DRC7: variants seen among roughly 807,000 people sequenced by gnomAD.
DRC7 encodes the protein coiled-coil domain containing 135.
Under a neutral mutation model 104.4 loss-of-function variants are expected in DRC7, and 80 were observed. The observed-to-expected ratio is 0.77, with a 90% CI of 0.64 to 0.92. The LOEUF (loss-of-function observed/expected upper bound fraction) is 0.92. DRC7 is among the 40% of genes least tolerant of loss of function. The pLI, the probability that DRC7 is intolerant of heterozygous loss-of-function variation, is 0.00. For missense variants in DRC7, 1,034 were observed against 1,141.1 expected, an observed-to-expected ratio of 0.91 and a Z score of 1.35; for synonymous variants, 405 against 447.3, an observed-to-expected ratio of 0.91 and a Z score of 1.19.
chr16:57,717,398 G>A (rs1216577231), intron 8 of DRC7, among the ~76,000 whole-genome samples: 3 of 125,338 alleles, frequency 2.4e-5, no homozygotes, highest in Non-Finnish European at 4.8e-5. Flanking sequence ...CCATGCACTG[G>A]CTTAAAAAAA....
rs114195136 is a variant in DRC7, at chr16:57,724,824, C to T, written c.1747C>T (p.Arg583Trp). ...TCTGAGCAGTGCAGAGTCAAACCCC[C>T]GGCCCATTGTGGTAAGAGCTCGCGG... ...LTLSSAESNP[R>W]PIVKITERFF... Residue 583 changes from arginine (R) to tryptophan (W), a missense_variant, in exon 13 of 19, where the codon CGG (arginine) becomes TGG (tryptophan). Arg to Trp is a moderately radical substitution (Grantham distance 101). Coordinates refer to ENST00000360716, the MANE Select transcript of DRC7 (RefSeq NM_001289162.2). 5.7e-3 allele frequency: 9,226 copies of T among 1,612,960 alleles called. 42 individuals carry two copies. Among genetic ancestry groups the T allele is most frequent in the Non-Finnish European group, 6.8e-3 (8,073 of 1,179,704 alleles).
Position 57,730,444 on chromosome 16 carries a change from G to A in DRC7, c.2392-487G>A, listed in dbSNP as rs183482248. ...AGGGATGGGTGGAGGGATGGGCAGA[G>A]GAATAGATGGGCAGATGGCTGGGTA... On this transcript the variant is annotated intron_variant, in intron 17 of 18. Transcript: ENST00000360716. 4.1e-4 allele frequency among the ~76,000 whole-genome samples: 63 copies of A among 152,146 alleles called. 1 individual carries two copies. The highest frequency in any genetic ancestry group is 1.3e-3 in the African/African-American group (56 of 41,490).
intron 8 of DRC7, among the ~76,000 whole-genome samples, chr16:57,715,468 C>G (rs190641503): frequency 6.6e-6 from 1 of 152,180 alleles, no homozygotes. Flanking sequence ...ATTGCTTTGC[C>G]GGTTGCTCTG....
intron 10 of DRC7, 141 bp from the exon 11 acceptor site, chr16:57,722,572 C>T (rs2048914833): frequency 8.6e-7 from 1 of 1,160,272 alleles, no homozygotes; most frequent in African/African-American, 1.5e-5. Context: ...GATTATTCTC[C>T]TCGGCCTCCC....
chr16:57,718,884 G>T (rs527998358), intron 9 of DRC7, among the ~76,000 whole-genome samples: 218 of 152,206 alleles, frequency 1.4e-3, no homozygotes, highest in African/African-American at 4.7e-3. Context: ...AGCTACTTGG[G>T]AGGCTGAGGC....
chr16:57,705,698 TCCTC>T (rs2048709790), intron 7 of DRC7, among the ~76,000 whole-genome samples: 1 of 95,798 alleles, frequency 1.0e-5, no homozygotes. Context: ...CTCCCATTTA[TCCTC>T]CCATCCATCA....
At chr16:57,699,479 C>T (rs955275776) in intron 4 of DRC7, among the ~76,000 whole-genome samples, 4 of 152,192 alleles carry the variant, frequency 2.6e-5, no homozygotes, top group Non-Finnish European at 2.9e-5. Context: ...ATTCCATCTA[C>T]AGATGGAGAA....
chr16:57,713,063 G>T (rs2048805528), intron 8 of DRC7, among the ~76,000 whole-genome samples: 1 of 152,170 alleles, frequency 6.6e-6, no homozygotes, highest in Non-Finnish European at 1.5e-5. Flanking sequence ...ATTCTGTAGT[G>T]ATTAGAGAAT....
chr16:57,730,935 C>A lies in DRC7; in HGVS notation c.2396C>A (p.Thr799Asn). Residue 799 changes from threonine (T) to asparagine (N), a missense_variant, in exon 18 of 19, where the codon ACC (threonine) becomes AAC (asparagine). Thr to Asn is a moderately conservative substitution (Grantham distance 65). Coordinates refer to ENST00000360716, the MANE Select transcript of DRC7 (RefSeq NM_001289162.2). ...CTGTCTGCCCTATGACCACAGGAGA[C>A]CCAGGAGCTGCAAAAGAAGCAGCAG... ...NLIQARFEKE[T>N]QELQKKQQWY... 1 of 1,613,188 alleles carries A rather than the reference C, an allele frequency of 6.2e-7. No individual in the cohort carries two copies.
In DRC7 at chr16:57,698,136, G is replaced by A; in HGVS notation, c.187G>A (p.Val63Ile). 1.2e-6 allele frequency: 2 copies of A among 1,614,134 alleles called. No individual in the cohort carries two copies. Among genetic ancestry groups the A allele is most frequent in the Non-Finnish European group, 1.7e-6 (2 of 1,180,028 alleles). ...GAAGCTGTCAGAGATCCAGATCACT[G>A]TCTCAGCGGAGCTCCCGTGAGTGTG... The part of the protein sequence containing the change: ...EKKLSEIQIT[V>I]SAELPAFTKD... Residue 63 changes from valine (V) to isoleucine (I), a missense_variant, in exon 3 of 19, where the codon GTC (valine) becomes ATC (isoleucine). Val to Ile is a conservative substitution (Grantham distance 29). Transcript: ENST00000360716.
At chr16:57,697,155 C>T (rs867375386) in intron 2 of DRC7, among the ~76,000 whole-genome samples, 1 of 152,114 alleles carries the variant, frequency 6.6e-6, no homozygotes, top group African/African-American at 2.4e-5. Flanking sequence ...TCAAGTGATC[C>T]ACCTGCCTCG....
chr16:57,695,442 G>A (rs2048583556), intron 1 of DRC7, among the ~76,000 whole-genome samples: 1 of 152,192 alleles, frequency 6.6e-6, no homozygotes, highest in Admixed American at 6.5e-5. Context: ...CATAGAGTCA[G>A]TAGAGGATAA....
In DRC7 at chr16:57,699,826, G is replaced by A. The variant is rs539503241; in HGVS notation, c.379-319G>A. On this transcript the variant is annotated intron_variant, in intron 4 of 18. Coordinates refer to ENST00000360716, the MANE Select transcript of DRC7 (RefSeq NM_001289162.2). The stretch of plus-strand genomic sequence containing the variant: ...TCTGGGCCTCAGGTGTCTCCACAAT[G>A]CCCTAGGGGTTGAAGGCGGCAAAAC... 1.1e-4 allele frequency among the ~76,000 whole-genome samples: 16 copies of A among 152,288 alleles called. No homozygotes were observed. The East Asian group carries it at 2.9e-3, about 28-fold the overall frequency.
At position 57,698,063 on chromosome 16, in the gene DRC7, G is replaced by C; in HGVS notation, c.114G>C (p.Arg38=). 1 of 1,614,184 alleles carries C rather than the reference G, an allele frequency of 6.2e-7. No homozygotes were observed. The highest frequency in any genetic ancestry group is 8.5e-7 in the Non-Finnish European group (1 of 1,180,042). ...MEKMMRPVEV[R]KEEITLKQET... ...AAATGATGAGGCCAGTTGAGGTGCG[G>C]AAGGAGGAAATCACCTTAAAGCAGG... The change falls in exon 3 of 19, where the codon CGG becomes CGC. Residue 38 remains arginine, a synonymous_variant. Coordinates refer to ENST00000360716, the MANE Select transcript of DRC7 (RefSeq NM_001289162.2).
In DRC7 at chr16:57,727,397, T is replaced by G; in HGVS notation, c.2184T>G (p.Tyr728Ter). The G allele has an allele frequency of 6.2e-7, 1 of 1,612,764 alleles. No homozygotes were observed. The highest frequency in any genetic ancestry group is 8.5e-7 in the Non-Finnish European group (1 of 1,179,390). The change falls in exon 16 of 19, where the codon TAT becomes TAG. Residue 728 changes from tyrosine to a stop codon, truncating the protein, a stop_gained. Transcript: ENST00000360716. LOFTEE classifies it high-confidence loss of function. The stretch of plus-strand genomic sequence containing the variant: ...AGCGGAATGAGAAGAGCAAGGAATA[T>G]CGGGAGGCCATGGTCAGTCCCAATC... Reference protein sequence around the residue: ...DTKRNEKSKEYREAMERMMHE... With the variant: ...DTKRNEKSKE
chr16:57,727,049 A>G, intron 15 of DRC7, 107 bp downstream of exon 15: 1 of 749,232 alleles, frequency 1.3e-6, no homozygotes, highest in Non-Finnish European at 2.3e-6. Flanking sequence ...ATGGCTCTAC[A>G]TCCCGGGCTC....
chr16:57,699,692 A>T (rs1021906354), intron 4 of DRC7, among the ~76,000 whole-genome samples: 31 of 152,106 alleles, frequency 2.0e-4, no homozygotes, highest in African/African-American at 7.0e-4. Context: ...CAGGGAGAGC[A>T]TCGCTCCTGG....
At chr16:57,717,653 C>G (rs2048858783) in intron 8 of DRC7, among the ~76,000 whole-genome samples, 1 of 151,520 alleles carries the variant, frequency 6.6e-6, no homozygotes, top group Admixed American at 6.6e-5. Flanking sequence ...GAGCCGAGAT[C>G]ACGCCACTGC....
At chr16:57,713,409 C>T (rs955541126) in intron 8 of DRC7, among the ~76,000 whole-genome samples, 6 of 152,150 alleles carry the variant, frequency 3.9e-5, no homozygotes, top group African/African-American at 1.2e-4. Context: ...TATTTTGAAG[C>T]CCTGCTATTA....
Sources: gnomAD v4.1 joint callset for allele counts (sites outside exome capture counted in the v4.1 genomes callset) on GRCh38, gnomAD v4.1.1 for gene constraint, MANE v1.5 for transcripts, NCBI Gene and HGNC (gene_info 2026-07-23, HGNC 2026-07-21) for gene names.